Variants in SEMA3A observed in about 807,000 individuals in gnomAD.
The protein encoded by SEMA3A is semaphorin 3A.
SEMA3A carries 29 observed loss-of-function variants against 97.9 expected under a neutral mutation model. The ratio of observed to expected loss-of-function variants is 0.30; its 90% confidence interval spans 0.22 to 0.40. The LOEUF is 0.40. Ranked by LOEUF, SEMA3A falls within the 10% of genes least tolerant of loss-of-function variation. The pLI is 1.00. For missense variants in SEMA3A, 763 were observed against 951.3 expected (o/e 0.80, Z 2.60); for synonymous variants, 321 against 323.7 (o/e 0.99, Z 0.09).
At chr7:84,098,392 T>G (rs960369528) in intron 4 of SEMA3A, among the ~76,000 whole-genome samples, 4 of 152,112 alleles carry the variant, frequency 2.6e-5, no homozygotes, top group Non-Finnish European at 4.4e-5. Context: ...ACTGCTCTTC[T>G]TCTTGTCCAG....
At chr7:84,478,334 A>G (rs1474270408) in intron 1 of SEMA3A, among the ~76,000 whole-genome samples, 1 of 152,152 alleles carries the variant, frequency 6.6e-6, no homozygotes, top group Non-Finnish European at 1.5e-5. Context: ...TCAGAATACA[A>G]TGGGAACTTC....
chr7:84,085,241 AT>A (rs34047125), intron 4 of SEMA3A, among the ~76,000 whole-genome samples: 2 of 150,816 alleles, frequency 1.3e-5, no homozygotes, highest in Non-Finnish European at 3.0e-5. Flanking sequence ...TTGGAATGAG[AT>A]TTTTTTTTCT....
intron 1 of SEMA3A, among the ~76,000 whole-genome samples, chr7:84,161,132 G>A (rs886513087): frequency 2.6e-5 from 4 of 151,976 alleles, no homozygotes; most frequent in South Asian, 2.1e-4. Flanking sequence ...TTGGGAGGCC[G>A]AGGTGGGCTG....
intron 3 of SEMA3A, among the ~76,000 whole-genome samples, chr7:84,267,351 C>G (rs1352930921): frequency 6.6e-6 from 1 of 152,096 alleles, no homozygotes; most frequent in Non-Finnish European, 1.5e-5. Flanking sequence ...CATGTACACA[C>G]GAGCACAATT....
intron 1 of SEMA3A, among the ~76,000 whole-genome samples, chr7:84,456,826 T>C (rs1228965): frequency 0.17 from 25,522 of 151,740 alleles, 2,290 homozygotes; most frequent in Middle Eastern, 0.23. Context: ...TTGTAGAATA[T>C]GTTAAAAAGA....
chr7:84,057,856 C>T lies in SEMA3A; in HGVS notation c.547+2609G>A, dbSNP rs571428319. Among the ~76,000 whole-genome samples the T allele has an allele frequency of 3.3e-5, 5 of 152,242 alleles. No homozygotes were observed. The South Asian group carries it at 1.0e-3, about 32-fold the overall frequency. On this transcript the variant is annotated intron_variant, in intron 5 of 16. Transcript: ENST00000265362. ...AAAGGAGATTGCAAAATTAACTTTA[C>T]TATTTTGGTTTGAAAAACTTAGGAC...
In SEMA3A at chr7:84,376,603, C is replaced by CAAAAAAA. The variant is rs60380985; in HGVS notation, c.-245-4710_-245-4704dup. Among the ~76,000 whole-genome samples, 34 of 36,438 alleles carry CAAAAAAA rather than the reference C, an allele frequency of 9.3e-4. 2 individuals are homozygous for CAAAAAAA. The highest frequency in any genetic ancestry group is 3.0e-3 in the African/African-American group (30 of 10,142). 23.9% of individuals were successfully genotyped at this position (36,438 alleles called of 152,430 possible). A position where few individuals can be genotyped will look rare whatever the true frequency, so the allele number is the denominator to read the frequency against. On this transcript the variant is annotated intron_variant, in intron 1 of 3. Coordinates refer to the SEMA3A transcript ENST00000424555. ...TGGGCGACAGAGCGAGACTCCGTCT[C>CAAAAAAA]AAAAAAAAAAAAAAAAAAAAAAAAA... is the stretch of plus-strand genomic sequence containing the variant.
rs1584481887 is a variant in SEMA3A at position 83,963,113 on chromosome 7, A to C, written c.1860+92T>G. ...GGTTCAGAAGAGGATAAGCATTCTC[A>C]GTGCTTTTTCTTTCCTCAAGTGAAA... On this transcript the variant is annotated intron_variant, in intron 16 of 16. Transcript: ENST00000265362. 5 of 1,369,668 alleles carry C rather than the reference A, an allele frequency of 3.7e-6. No homozygotes were observed. The East Asian group carries it at 1.1e-4, about 31-fold the overall frequency. The allele number at this position is 1,369,668 out of a possible 1,614,324, so 84.8% of individuals were successfully genotyped here. A position where few individuals can be genotyped will look rare whatever the true frequency, so the allele number is the denominator to read the frequency against.
At chr7:84,424,517 T>C (rs1230044697) in intron 1 of SEMA3A, among the ~76,000 whole-genome samples, 1 of 72,772 alleles carries the variant, frequency 1.4e-5, no homozygotes, top group South Asian at 4.0e-4. Flanking sequence ...TAAATATTAA[T>C]ATATGTTATA....
chr7:84,492,469 T>G lies in SEMA3A; in HGVS notation c.-255A>C, dbSNP rs552060261. On this transcript the variant is annotated 5_prime_UTR_variant, in exon 1 of 4. Transcript: ENST00000424555. The stretch of plus-strand genomic sequence containing the variant: ...AATTTTTTCCACTTACTGCCTTTGT[T>G]GTCCTTTGTCCATGCGTTGAAGTCA... The G allele has an allele frequency of 2.0e-5, 3 of 152,254 alleles. No homozygotes were observed. The South Asian group carries it at 6.2e-4, about 32-fold the overall frequency. The allele number at this position is 152,254 out of a possible 1,614,324, so 9.4% of individuals were successfully genotyped here. A position where few individuals can be genotyped will look rare whatever the true frequency, so the allele number is the denominator to read the frequency against.
chr7:84,355,934 C>T (rs1179054851), intron 2 of SEMA3A, among the ~76,000 whole-genome samples: 2 of 134,404 alleles, frequency 1.5e-5, no homozygotes, highest in Non-Finnish European at 3.1e-5. Flanking sequence ...CTTCATAATG[C>T]TATTTTTGGA....
chr7:84,403,703 A>G (rs1419189145), intron 1 of SEMA3A, among the ~76,000 whole-genome samples: 1 of 152,148 alleles, frequency 6.6e-6, no homozygotes, highest in Non-Finnish European at 1.5e-5. Flanking sequence ...AAACTTCCAG[A>G]GGAACGATCA....
At chr7:84,263,315 G>A (rs564287200) in intron 3 of SEMA3A, among the ~76,000 whole-genome samples, 37 of 152,300 alleles carry the variant, frequency 2.4e-4, no homozygotes, top group Non-Finnish European at 3.4e-4. Flanking sequence ...ACTCCCACTT[G>A]GAAAACTGTG....
intron 1 of SEMA3A, among the ~76,000 whole-genome samples, chr7:84,188,720 T>G (rs920562928): frequency 2.6e-5 from 4 of 151,942 alleles, no homozygotes; most frequent in Admixed American, 2.0e-4. Context: ...TTCACTATTT[T>G]GTTTTACATT....
At chr7:84,410,626 A>T (rs918329135) in intron 1 of SEMA3A, among the ~76,000 whole-genome samples, 6 of 152,094 alleles carry the variant, frequency 3.9e-5, no homozygotes, top group African/African-American at 1.4e-4. Flanking sequence ...ATGTCAAGCC[A>T]CCCCACAAAG....
rs1365409485 is a variant in SEMA3A, at chr7:84,110,522, G to A, written c.401C>T (p.Thr134Met). ...GGTGCAAATTGGATGAAAAGCCCCC[G>A]TTCCACAGGCGTACAAGTGAGTCTG... is the stretch of plus-strand genomic sequence containing the variant. ...YNQTHLYACG[T>M]GAFHPICTYI... is the part of the protein sequence containing the mutation. Residue 134 changes from threonine to methionine, a missense_variant, in exon 4 of 17, where the codon ACG becomes ATG. By Grantham distance (81) the Thr-to-Met change is moderately conservative. Transcript: ENST00000265362. 1 of 1,613,918 alleles carries A rather than the reference G, an allele frequency of 6.2e-7. No homozygotes were observed. Among genetic ancestry groups the A allele is most frequent in the East Asian group, 2.2e-5 (1 of 44,858 alleles).
At chr7:84,225,942 T>G (rs1798981233) in intron 3 of SEMA3A, among the ~76,000 whole-genome samples, 1 of 152,116 alleles carries the variant, frequency 6.6e-6, no homozygotes, top group Non-Finnish European at 1.5e-5. Context: ...TTAAACATTA[T>G]TATTTATTAG....
chr7:84,235,071 C>T (rs76345828), intron 3 of SEMA3A, among the ~76,000 whole-genome samples: 9 of 151,916 alleles, frequency 5.9e-5, no homozygotes, highest in South Asian at 4.2e-4. Context: ...GTAATATATA[C>T]GAAAATGATT....
chr7:83,977,612 T>C lies in SEMA3A; in HGVS notation c.1653-416A>G, dbSNP rs923574165. Among the ~76,000 whole-genome samples the C allele has an allele frequency of 9.9e-5, 15 of 152,030 alleles. 1 individual carries two copies. In the South Asian group the frequency reaches 3.1e-3, roughly 32 times the overall value. ...AGGGTAAATTAAACTTTTTTTCTGA[T>C]TATTAATGAAGGAATAAGCTTGAAA... On this transcript the variant is annotated intron_variant, in intron 14 of 16. Transcript: ENST00000265362.
Sources: gnomAD v4.1 joint callset for allele counts (sites outside exome capture counted in the v4.1 genomes callset) on GRCh38, gnomAD v4.1.1 for gene constraint, MANE v1.5 for transcripts, NCBI Gene and HGNC (gene_info 2026-07-23, HGNC 2026-07-21) for gene names.